SPECC1: variants seen among roughly 807,000 people sequenced by gnomAD.
The protein encoded by SPECC1 is sperm antigen with calponin homology and coiled-coil domains 1, also known as cytospin-B.
SPECC1 carries 62 observed loss-of-function variants against 104.1 expected under a neutral mutation model. The observed-to-expected ratio is 0.60, with a 90% CI of 0.49 to 0.74. SPECC1 has a LOEUF of 0.74. SPECC1 is among the 30% of genes least tolerant of loss of function. The probability of loss-of-function intolerance (pLI) is 0.00; values close to 1 mark genes in which losing one functional copy is unlikely to be tolerated. For missense variants in SPECC1, 1,306 were observed against 1,310.5 expected, an observed-to-expected ratio of 1.00 and a Z score of 0.05; for synonymous variants, 513 against 501.6, an observed-to-expected ratio of 1.02 and a Z score of -0.30.
intron 3 of SPECC1, chr17:20,156,277 C>A (rs1421499365): frequency 2.3e-6 from 3 of 1,286,478 alleles, no homozygotes; most frequent in Admixed American, 5.2e-5. Flanking sequence ...GCCGCAACCC[C>A]ACCCCCCCTC....
chr17:20,300,246 G>A (rs1159605488), intron 13 of SPECC1, among the ~76,000 whole-genome samples: 2 of 152,146 alleles, frequency 1.3e-5, no homozygotes, highest in Non-Finnish European at 2.9e-5. Flanking sequence ...CACAGCAAAG[G>A]GGACCAGGAA....
intron 4 of SPECC1, among the ~76,000 whole-genome samples, chr17:20,216,920 G>T (rs1230139100): frequency 6.6e-6 from 1 of 152,026 alleles, no homozygotes; most frequent in Non-Finnish European, 1.5e-5. Flanking sequence ...CAGCTTCAGA[G>T]GGCTGAGGCA....
chr17:20,022,967 A>G (rs2044453773), intron 1 of SPECC1, among the ~76,000 whole-genome samples: 1 of 152,194 alleles, frequency 6.6e-6, no homozygotes, highest in Non-Finnish European at 1.5e-5. Context: ...TTCAGCAGTA[A>G]TGATTCATTC....
At chr17:20,231,302 C>T (rs2038561396) in intron 5 of SPECC1, among the ~76,000 whole-genome samples, 2 of 152,196 alleles carry the variant, frequency 1.3e-5, no homozygotes, top group African/African-American at 4.8e-5. Flanking sequence ...GATTGAGACC[C>T]ATGACTCTAG....
chr17:20,159,442 A>G (rs1257478524), intron 3 of SPECC1, among the ~76,000 whole-genome samples: 1 of 152,358 alleles, frequency 6.6e-6, no homozygotes. Flanking sequence ...TTGGACAGGG[A>G]GAGTCTCTTT....
At chr17:20,136,975 G>A (rs1430944875) in intron 3 of SPECC1, among the ~76,000 whole-genome samples, 1 of 152,148 alleles carries the variant, frequency 6.6e-6, no homozygotes, top group Non-Finnish European at 1.5e-5. Context: ...CTTTGCAAAT[G>A]GGCAAAGACC....
chr17:20,163,059 A>T (rs1007567507), intron 3 of SPECC1, among the ~76,000 whole-genome samples: 1 of 152,222 alleles, frequency 6.6e-6, no homozygotes, highest in African/African-American at 2.4e-5. Flanking sequence ...AGATGCATAC[A>T]TCAAATATCA....
intron 3 of SPECC1, among the ~76,000 whole-genome samples, chr17:20,139,526 G>GT (rs2030487795): frequency 6.6e-6 from 1 of 152,064 alleles, no homozygotes; most frequent in Non-Finnish European, 1.5e-5. Context: ...TTATAGAGTT[G>GT]TTTAACTGCT....
chr17:20,034,904 C>T (rs2385960), intron 1 of SPECC1, among the ~76,000 whole-genome samples: 1 of 152,074 alleles, frequency 6.6e-6, no homozygotes, highest in African/African-American at 2.4e-5. Context: ...CGTGCGTGGC[C>T]TTTTTCTAAA....
chr17:20,035,878 G>A (rs948969411), intron 1 of SPECC1, among the ~76,000 whole-genome samples: 1 of 152,054 alleles, frequency 6.6e-6, no homozygotes, highest in African/African-American at 2.4e-5. Flanking sequence ...TCTCACCCAG[G>A]CTGGAGTGCG....
intron 1 of SPECC1, among the ~76,000 whole-genome samples, chr17:20,093,526 A>G (rs756336935): frequency 1.3e-5 from 2 of 152,098 alleles, no homozygotes; most frequent in African/African-American, 4.8e-5. Context: ...ATTTATGTAA[A>G]TGAACTGGCT....
chr17:20,055,922 A>G (rs1403891276), intron 1 of SPECC1, among the ~76,000 whole-genome samples: 1 of 152,214 alleles, frequency 6.6e-6, no homozygotes, highest in African/African-American at 2.4e-5. Context: ...GGGAAGTGCT[A>G]TGTGGGTCTC....
rs143190782 is a variant in SPECC1 at position 20,106,902 on chromosome 17, A to G, written c.148-3525A>G. On this transcript the variant is annotated intron_variant, in intron 2 of 14. Transcript: ENST00000395527. ...CCAGGCGTGGTGGCCCACGCCTGTA[A>G]TCCTAGCACTTTGGGAGGCTGAGGC... Among the ~76,000 whole-genome samples the G allele has an allele frequency of 6.4e-3, 980 of 152,200 alleles. 11 individuals carry two copies. Among genetic ancestry groups the G allele is most frequent in the African/African-American group, 0.022 (933 of 41,516 alleles).
chr17:20,273,474 AAAAG>A (rs2040475746), intron 12 of SPECC1, among the ~76,000 whole-genome samples: 4 of 152,018 alleles, frequency 2.6e-5, no homozygotes, highest in African/African-American at 7.2e-5. Context: ...CAAAAAAAAA[AAAAG>A]AAGAGGCCTG....
intron 3 of SPECC1, among the ~76,000 whole-genome samples, chr17:20,189,095 C>T (rs1177836327): frequency 1.3e-5 from 2 of 152,158 alleles, no homozygotes; most frequent in African/African-American, 2.4e-5. Context: ...CATCGAGCCT[C>T]CGTAACCTGG....
chr17:20,253,614 T>C (rs746369573), intron 10 of SPECC1, 28 bp downstream of exon 10: 23 of 1,604,906 alleles, frequency 1.4e-5, no homozygotes, highest in Middle Eastern at 1.7e-4. Context: ...AAAGAACTTT[T>C]GACTTATCTT....
chr17:20,096,518 C>T (rs2047650117), intron 1 of SPECC1, 113 bp from the exon 2 acceptor site: 3 of 1,220,030 alleles, frequency 2.5e-6, no homozygotes, highest in East Asian at 2.4e-5. Context: ...ATCATAGGTG[C>T]TCCTACTCTG....
At chr17:20,095,367 A>C (rs1258657723) in intron 1 of SPECC1, among the ~76,000 whole-genome samples, 1 of 152,264 alleles carries the variant, frequency 6.6e-6, no homozygotes, top group African/African-American at 2.4e-5. Context: ...AAAACAAATT[A>C]CGCCGCCTTT....
chr17:20,249,298 G>A (rs1391443787), intron 9 of SPECC1, among the ~76,000 whole-genome samples: 2 of 152,056 alleles, frequency 1.3e-5, no homozygotes, highest in Non-Finnish European at 2.9e-5. Flanking sequence ...TGTGCCTGTT[G>A]TCCCAGCCAC....
Sources: gnomAD v4.1 joint callset for allele counts (sites outside exome capture counted in the v4.1 genomes callset) on GRCh38, gnomAD v4.1.1 for gene constraint, MANE v1.5 for transcripts, NCBI Gene and HGNC (gene_info 2026-07-23, HGNC 2026-07-21) for gene names.